Variants in CDK18 observed in about 807,000 individuals in gnomAD.
CDK18 encodes cyclin dependent kinase 18, also known as cyclin-dependent kinase 18.
CDK18 carries 52 observed loss-of-function variants against 62.0 expected under a neutral mutation model. That is an observed-to-expected ratio of 0.84 (90% CI 0.67 to 1.06). The LOEUF (loss-of-function observed/expected upper bound fraction) is 1.06, where lower values mean the gene tolerates loss of function less well. CDK18 is among the 50% of genes least tolerant of loss of function. The pLI is 0.00. For missense variants in CDK18, 604 were observed against 619.9 expected (o/e 0.97, Z 0.27); for synonymous variants, 237 against 247.0 (o/e 0.96, Z 0.38).
chr1:205,531,489 C>A lies in CDK18; in HGVS notation c.*111C>A. ...GGACTGAAGAACGAGGGCTGACAGC[C>A]AGCCTGGAAGACCGCTTGGCAGCCC... is the stretch of plus-strand genomic sequence containing the variant. On this transcript the variant is annotated 3_prime_UTR_variant, in exon 16 of 16. Transcript: ENST00000429964. 1 of 1,037,240 alleles carries A rather than the reference C, an allele frequency of 9.6e-7. No individual in the cohort carries two copies. The highest frequency in any genetic ancestry group is 1.5e-6 in the Non-Finnish European group (1 of 664,636). 64.3% of individuals were successfully genotyped at this position (1,037,240 alleles called of 1,614,324 possible).
intron 1 of CDK18, among the ~76,000 whole-genome samples, chr1:205,514,765 G>A (rs902120837): frequency 6.6e-6 from 1 of 152,158 alleles, no homozygotes; most frequent in Non-Finnish European, 1.5e-5. Context: ...TCTGTGTAAG[G>A]CATCAGGGAA....
At position 205,528,612 on chromosome 1, in the gene CDK18, A is replaced by C; in HGVS notation, c.975-387A>C. On this transcript the variant is annotated intron_variant, in intron 10 of 15. Coordinates refer to ENST00000429964, the MANE Select transcript of CDK18 (RefSeq NM_212502.3). This position sits in a 1 kb window ranked among gnomAD's most constrained non-coding sequence, Gnocchi z 4.2. ...CCGGTGGTTATGAATGGCTGCTGTG[A>C]CTCCGCCCCAAGGTTCCCCAGGAGA... The C allele has an allele frequency of 3.8e-6, 1 of 266,624 alleles. No individual in the cohort carries two copies. Among genetic ancestry groups the C allele is most frequent in the Non-Finnish European group, 7.0e-6 (1 of 141,928 alleles). The allele number at this position is 266,624 out of a possible 1,614,324, so 16.5% of individuals were successfully genotyped here.
chr1:205,508,859 G>T (rs1272216418), intron 1 of CDK18, among the ~76,000 whole-genome samples: 1 of 151,514 alleles, frequency 6.6e-6, no homozygotes, highest in East Asian at 1.9e-4. Context: ...AAATTGAAAA[G>T]GGTCTTAGGC....
chr1:205,518,268 C>G (rs894490513), intron 1 of CDK18, among the ~76,000 whole-genome samples: 1 of 152,184 alleles, frequency 6.6e-6, no homozygotes. Flanking sequence ...TCCGCACCCC[C>G]CTACCCCTGT....
At chr1:205,524,829 G>C (rs1668339875) in intron 4 of CDK18, among the ~76,000 whole-genome samples, 2 of 152,172 alleles carry the variant, frequency 1.3e-5, no homozygotes, top group Admixed American at 6.5e-5. Context: ...GGACACTCAA[G>C]GTACAATGGG....
chr1:205,525,707 C>A (rs911045991), intron 5 of CDK18, among the ~76,000 whole-genome samples: 1 of 152,126 alleles, frequency 6.6e-6, no homozygotes, highest in Non-Finnish European at 1.5e-5. Context: ...TGTGCAGAGG[C>A]CTGGGGTGGG....
chr1:205,522,897 G>T (rs760828803), intron 1 of CDK18: 4 of 470,846 alleles, frequency 8.5e-6, no homozygotes, highest in Non-Finnish European at 1.5e-5. Context: ...TGCACAGGGC[G>T]TGGCGGGGCG....
chr1:205,524,045 G>C (rs79311087), intron 3 of CDK18, among the ~76,000 whole-genome samples, 187 bp from the exon 4 acceptor site: 157 of 152,328 alleles, frequency 1.0e-3, no homozygotes, highest in African/African-American at 3.1e-3. Flanking sequence ...CAGCAGCCCC[G>C]GGTGTTCACG....
intron 2 of CDK18, 29 bp downstream of exon 2, chr1:205,523,326 C>T: frequency 1.9e-6 from 3 of 1,613,766 alleles, no homozygotes; most frequent in Middle Eastern, 1.6e-4. Context: ...CCCAGCACCT[C>T]TCCCACCTAC....
chr1:205,525,312 C>T, intron 5 of CDK18, 117 bp downstream of exon 5: 1 of 640,944 alleles, frequency 1.6e-6, no homozygotes, highest in Non-Finnish European at 2.8e-6. Flanking sequence ...TCTCCTGGCC[C>T]CTGCCCCATA....
intron 13 of CDK18, 117 bp downstream of exon 13, chr1:205,529,680 A>G (rs767707161): frequency 3.2e-6 from 5 of 1,569,094 alleles, no homozygotes; most frequent in Admixed American, 1.9e-5. Flanking sequence ...TCTTTGAAAC[A>G]TCTCCCCTGT....
At chr1:205,523,337 C>T (rs754395959) in intron 2 of CDK18, 40 bp downstream of exon 2, 1 of 1,613,102 alleles carries the variant, frequency 6.2e-7, no homozygotes. Context: ...TCCCACCTAC[C>T]AGACACTCCC....
intron 7 of CDK18, 130 bp from the exon 8 acceptor site, chr1:205,526,645 C>G (rs930822535): frequency 2.0e-6 from 2 of 1,002,280 alleles, no homozygotes; most frequent in East Asian, 2.4e-5. Context: ...ACGGGTGGCT[C>G]GAGCCAGGGA....
rs761266287 is a variant in CDK18 at position 205,526,146 on chromosome 1, G to A, written c.538G>A (p.Glu180Lys). 6.8e-6 allele frequency: 11 copies of A among 1,613,974 alleles called. No homozygotes were observed. Among genetic ancestry groups the A allele is most frequent in the South Asian group, 2.2e-5 (2 of 91,068 alleles). The change falls in exon 6 of 16, where the codon GAG becomes AAG. Residue 180 changes from glutamate (E) to lysine (K), a missense_variant. Physicochemically the swap from Glu to Lys is moderately conservative, Grantham distance 56. Coordinates refer to ENST00000429964, the MANE Select transcript of CDK18 (RefSeq NM_212502.3). The stretch of plus-strand genomic sequence containing the variant: ...CCTGAAAGAGATCCGGCTGGAGCAC[G>A]AGGAGGGAGCGCCCTGCACTGCCAT... ...VALKEIRLEH[E>K]EGAPCTAIRE...
rs765816566 is a variant in CDK18 at position 205,526,052 on chromosome 1, C to T, written c.457-13C>T. On this transcript the variant is annotated splice_polypyrimidine_tract_variant and intron_variant, in intron 5 of 15. Coordinates refer to ENST00000429964, the MANE Select transcript of CDK18 (RefSeq NM_212502.3). ...CTGAATGCGCCTGGGGCCGCTGTGG[C>T]CCTCCATCCCAGGGCACCTATGCCA... 9 of 1,599,390 alleles carry T rather than the reference C, an allele frequency of 5.6e-6. No individual in the cohort carries two copies. In the South Asian group the frequency reaches 1.0e-4, roughly 18 times the overall value.
At chr1:205,506,535 C>T (rs1425485947) in intron 1 of CDK18, among the ~76,000 whole-genome samples, 2 of 152,188 alleles carry the variant, frequency 1.3e-5, no homozygotes, top group African/African-American at 4.8e-5. Flanking sequence ...ATCTACTGTG[C>T]GCCAAGCAGT....
intron 1 of CDK18, among the ~76,000 whole-genome samples, chr1:205,521,918 A>G (rs1241762056): frequency 6.6e-6 from 1 of 152,200 alleles, no homozygotes; most frequent in Non-Finnish European, 1.5e-5. Flanking sequence ...GTGCTGGTGC[A>G]TGGGTAACAG....
intron 1 of CDK18, 67 bp from the exon 2 acceptor site, chr1:205,523,080 A>G: frequency 6.7e-7 from 1 of 1,500,168 alleles, no homozygotes. Context: ...CTGAATTCCC[A>G]GTGGGTGGAG....
intron 1 of CDK18, among the ~76,000 whole-genome samples, chr1:205,510,770 G>A (rs2102273401): frequency 6.6e-6 from 1 of 152,352 alleles, no homozygotes. Context: ...TTCTTTGCCT[G>A]AAACATGAGG....
Sources: gnomAD v4.1 joint callset for allele counts (sites outside exome capture counted in the v4.1 genomes callset) on GRCh38, gnomAD v4.1.1 for gene constraint, Gnocchi (gnomAD v3.1) non-coding constraint, MANE v1.5 for transcripts, NCBI Gene and HGNC (gene_info 2026-07-23, HGNC 2026-07-21) for gene names.